DGKB: variants seen among roughly 807,000 people sequenced by gnomAD.
The protein encoded by DGKB is 90 kDa diacylglycerol kinase.
A neutral mutation model predicts 114.3 loss-of-function variants in DGKB; 67 were observed. That is an observed-to-expected ratio of 0.59 (90% CI 0.48 to 0.72). The LOEUF (loss-of-function observed/expected upper bound fraction) is 0.72. DGKB is among the 30% of genes least tolerant of loss of function. DGKB has a pLI of 0.00. For missense variants in DGKB, 907 were observed against 975.2 expected (o/e 0.93, Z 0.93); for synonymous variants, 398 against 323.1 (o/e 1.23, Z -2.49).
At chr7:14,283,183 A>G (rs1012653185) in intron 23 of DGKB, among the ~76,000 whole-genome samples, 1 of 151,794 alleles carries the variant, frequency 6.6e-6, no homozygotes, top group Non-Finnish European at 1.5e-5. Flanking sequence ...TACAAAATCA[A>G]TGTGCAAAAA....
At chr7:14,552,797 T>A (rs555633892) in intron 20 of DGKB, among the ~76,000 whole-genome samples, 2 of 152,354 alleles carry the variant, frequency 1.3e-5, no homozygotes, top group East Asian at 3.9e-4. Context: ...TCTATAGTTC[T>A]CAGATGTGTG....
chr7:14,873,168 A>G (rs1852739911), intron 1 of DGKB, among the ~76,000 whole-genome samples: 1 of 152,120 alleles, frequency 6.6e-6, no homozygotes, highest in Non-Finnish European at 1.5e-5. Context: ...ACTTCTCAGG[A>G]ATAACTTTTT....
At chr7:14,360,249 T>C (rs1361531965) in intron 21 of DGKB, among the ~76,000 whole-genome samples, 1 of 151,498 alleles carries the variant, frequency 6.6e-6, no homozygotes, top group African/African-American at 2.4e-5. Flanking sequence ...CACTCACAGG[T>C]GGGAATTGAA....
intron 23 of DGKB, among the ~76,000 whole-genome samples, chr7:14,277,789 G>A (rs576552824): frequency 1.3e-4 from 20 of 152,236 alleles, no homozygotes; most frequent in Admixed American, 2.6e-4. Flanking sequence ...TATACCCGAG[G>A]TAGGATTGCT....
intron 1 of DGKB, among the ~76,000 whole-genome samples, chr7:14,877,362 C>A (rs1399672659): frequency 1.3e-5 from 2 of 152,012 alleles, no homozygotes; most frequent in African/African-American, 4.8e-5. Flanking sequence ...TTGAGACTAG[C>A]CTGACCAACA....
At chr7:14,593,944 T>C (rs912240644) in intron 17 of DGKB, among the ~76,000 whole-genome samples, 5 of 152,038 alleles carry the variant, frequency 3.3e-5, no homozygotes, top group Middle Eastern at 3.2e-3. Flanking sequence ...AACTTTGAAA[T>C]GACCAATCTG....
At chr7:14,320,379 T>C (rs2128531545) in intron 23 of DGKB, among the ~76,000 whole-genome samples, 1 of 152,270 alleles carries the variant, frequency 6.6e-6, no homozygotes, top group East Asian at 1.9e-4. Flanking sequence ...AGAGTCCAAG[T>C]AGCACGTCCA....
At chr7:14,763,191 A>T (rs1219593418) in intron 2 of DGKB, among the ~76,000 whole-genome samples, 28 of 152,076 alleles carry the variant, frequency 1.8e-4, no homozygotes, top group Non-Finnish European at 2.6e-4. Flanking sequence ...GCCAATGTTG[A>T]GTGAAGTTCA....
At chr7:14,910,522 T>A (rs1783947991) in intron 1 of DGKB, among the ~76,000 whole-genome samples, 1 of 152,102 alleles carries the variant, frequency 6.6e-6, no homozygotes, top group Non-Finnish European at 1.5e-5. Context: ...AAAAAATACT[T>A]TTATGTTAGG....
intron 6 of DGKB, among the ~76,000 whole-genome samples, chr7:14,708,795 A>C (rs1357871744): frequency 6.7e-6 from 1 of 149,624 alleles, no homozygotes; most frequent in Non-Finnish European, 1.5e-5. Flanking sequence ...CCTTCCTTAC[A>C]CCTTATACAA....
chr7:14,297,366 C>A (rs1802762588), intron 23 of DGKB, among the ~76,000 whole-genome samples: 1 of 152,084 alleles, frequency 6.6e-6, no homozygotes, highest in African/African-American at 2.4e-5. Flanking sequence ...ACAGTCAAGT[C>A]AGTTGCATCC....
At chr7:14,654,176 T>C (rs1161064281) in intron 13 of DGKB, among the ~76,000 whole-genome samples, 1 of 151,740 alleles carries the variant, frequency 6.6e-6, no homozygotes, top group East Asian at 1.9e-4. Flanking sequence ...AAGAAATGAG[T>C]TTAATAAAGT....
intron 3 of DGKB, among the ~76,000 whole-genome samples, chr7:14,756,105 A>C (rs1834829723): frequency 6.6e-6 from 1 of 152,074 alleles, no homozygotes; most frequent in South Asian, 2.1e-4. Flanking sequence ...AAATAATTGA[A>C]GCAAAAAGGC....
intron 2 of DGKB, among the ~76,000 whole-genome samples, chr7:14,779,175 A>G (rs1189199641): frequency 1.3e-5 from 2 of 152,156 alleles, no homozygotes; most frequent in Admixed American, 1.3e-4. Flanking sequence ...TAAATAAAAT[A>G]TGAAAAGTTT....
At chr7:14,616,929 T>C (rs1997039) in intron 15 of DGKB, among the ~76,000 whole-genome samples, 150,764 of 151,876 alleles carry the variant, frequency 0.99, 74,842 homozygotes, top group Middle Eastern at 1. Context: ...ATGTGCAGGG[T>C]ATTCCAGGAG....
At chr7:14,158,740 G>C (rs535416035) in intron 25 of DGKB, among the ~76,000 whole-genome samples, 14 of 152,256 alleles carry the variant, frequency 9.2e-5, no homozygotes, top group African/African-American at 2.6e-4. Flanking sequence ...AGTTGAAATA[G>C]TACTGGATTA....
At chr7:14,742,806 T>G (rs575854070) in intron 4 of DGKB, among the ~76,000 whole-genome samples, 41 of 152,154 alleles carry the variant, frequency 2.7e-4, no homozygotes, top group Non-Finnish European at 5.0e-4. Context: ...GCAAGGTGTG[T>G]AAGAAGAGTA....
intron 5 of DGKB, 85 bp downstream of exon 5, chr7:14,735,956 T>C: frequency 1.2e-6 from 1 of 818,374 alleles, no homozygotes; most frequent in East Asian, 3.0e-5. Context: ...TTTATGCAAA[T>C]CATCATTCAT....
intron 15 of DGKB, among the ~76,000 whole-genome samples, chr7:14,619,142 C>CT (rs1807133047): frequency 1.3e-5 from 2 of 151,264 alleles, no homozygotes; most frequent in Non-Finnish European, 1.5e-5. Context: ...TATATACCAA[C>CT]TTTTTTTAAT....
Sources: allele counts gnomAD v4.1 joint callset (sites outside exome capture counted in the v4.1 genomes callset), GRCh38; gene constraint gnomAD v4.1.1; transcripts MANE v1.5; gene names NCBI Gene and HGNC (gene_info 2026-07-23, HGNC 2026-07-21).